Variants in VGLL4 observed in about 807,000 individuals in gnomAD.
VGLL4 encodes the protein vestigial like family member 4, also known as transcription cofactor vestigial-like protein 4.
In VGLL4, 7 loss-of-function variants were observed where a neutral mutation model predicts 21.0. The ratio of observed to expected loss-of-function variants is 0.33; its 90% CI spans 0.19 to 0.63. The LOEUF (loss-of-function observed/expected upper bound fraction) is 0.63. Ranked by LOEUF, VGLL4 falls within the 20% of genes least tolerant of loss-of-function variation. VGLL4 has a pLI of 0.78. For missense variants in VGLL4, 394 were observed against 425.7 expected (o/e 0.93, Z 0.66); for synonymous variants, 222 against 173.2 (o/e 1.28, Z -2.21).
At chr3:11,600,510 C>A (rs144627830) in intron 2 of VGLL4, among the ~76,000 whole-genome samples, 17 of 152,362 alleles carry the variant, frequency 1.1e-4, no homozygotes, top group Admixed American at 5.9e-4. Context: ...GCGGAGTGCA[C>A]TGTTTGCAGG....
chr3:11,586,776 C>A (rs903985107), intron 2 of VGLL4, among the ~76,000 whole-genome samples: 1 of 152,332 alleles, frequency 6.6e-6, no homozygotes, highest in Admixed American at 6.5e-5. Flanking sequence ...ATATGACAAT[C>A]GCTTTGTCGG....
At chr3:11,615,845 C>T (rs777769620) in intron 1 of VGLL4, among the ~76,000 whole-genome samples, 1 of 152,136 alleles carries the variant, frequency 6.6e-6, no homozygotes, top group Non-Finnish European at 1.5e-5. Context: ...TCAGGAGTAG[C>T]TTATACTCTG....
chr3:11,569,555 CAA>C lies in VGLL4; in HGVS notation c.273-4538_273-4537del, dbSNP rs557792857. Among the ~76,000 whole-genome samples the C allele has an allele frequency of 1.5e-4, 23 of 152,350 alleles. 1 individual carries two copies. The highest frequency in any genetic ancestry group is 6.5e-4 in the Admixed American group (10 of 15,306). ...CCAAGCACCAGAGTCCAGGTGGAGA[CAA>C]GAGATTCAAAGGAGGAGGGGCCGGC... On this transcript the variant is annotated intron_variant, in intron 2 of 4. Coordinates refer to ENST00000430365, the MANE Select transcript of VGLL4 (RefSeq NM_001128219.3).
chr3:11,660,926 T>G (rs1444876969), intron 2 of VGLL4, among the ~76,000 whole-genome samples: 6 of 152,140 alleles, frequency 3.9e-5, no homozygotes, highest in Non-Finnish European at 5.9e-5. Flanking sequence ...TCCAATAGAT[T>G]GAGAAAAAGA....
At chr3:11,587,693 G>A (rs950895565) in intron 2 of VGLL4, among the ~76,000 whole-genome samples, 2 of 152,186 alleles carry the variant, frequency 1.3e-5, no homozygotes, top group Non-Finnish European at 2.9e-5. Flanking sequence ...CAAAAGAAAT[G>A]TCTGGTCATC....
intron 2 of VGLL4, among the ~76,000 whole-genome samples, chr3:11,574,441 G>A (rs1381320871): frequency 6.6e-6 from 1 of 152,164 alleles, no homozygotes; most frequent in East Asian, 1.9e-4. Flanking sequence ...GGCAGGCCAA[G>A]TCAGCCCAGA....
chr3:11,597,883 A>G (rs1395262467), intron 2 of VGLL4, among the ~76,000 whole-genome samples: 1 of 152,218 alleles, frequency 6.6e-6, no homozygotes, highest in African/African-American at 2.4e-5. Context: ...ATTAATAATG[A>G]GTTCAAATAC....
At chr3:11,695,442 C>A (rs568949084) in intron 2 of VGLL4, among the ~76,000 whole-genome samples, 1 of 152,086 alleles carries the variant, frequency 6.6e-6, no homozygotes, top group Non-Finnish European at 1.5e-5. Flanking sequence ...AAAAATAATA[C>A]CCAACTATAT....
At chr3:11,685,410 G>C (rs1483196305) in intron 2 of VGLL4, among the ~76,000 whole-genome samples, 1 of 152,006 alleles carries the variant, frequency 6.6e-6, no homozygotes, top group Non-Finnish European at 1.5e-5. Context: ...TGTTGGTCAG[G>C]CTGGTCTTGA....
intron 1 of VGLL4, among the ~76,000 whole-genome samples, chr3:11,609,939 C>T (rs772661117): frequency 1.9e-4 from 29 of 152,244 alleles, no homozygotes; most frequent in South Asian, 1.0e-3. Context: ...TATGCCGTGC[C>T]GAACAGAGAG....
chr3:11,651,753 T>TA (rs764009114), intron 2 of VGLL4, among the ~76,000 whole-genome samples: 115 of 144,780 alleles, frequency 7.9e-4, no homozygotes, highest in East Asian at 1.6e-3. Context: ...GTAGCTGATT[T>TA]AAAAAAAAAA....
intron 2 of VGLL4, among the ~76,000 whole-genome samples, chr3:11,690,002 G>C (rs947306138): frequency 1.3e-5 from 2 of 152,132 alleles, no homozygotes; most frequent in Non-Finnish European, 2.9e-5. Flanking sequence ...TTCTCTCTCA[G>C]GCCCCAACAC....
chr3:11,665,101 CTTTTTTTTTTTTT>C (rs59999510), intron 2 of VGLL4, among the ~76,000 whole-genome samples: 2 of 96,950 alleles, frequency 2.1e-5, no homozygotes, highest in African/African-American at 9.8e-5. Flanking sequence ...GAATATTTTT[CTTTTTTTTTTTTT>C]TTTTTTTTTT....
At chr3:11,655,961 G>A (rs2075950850) in intron 2 of VGLL4, among the ~76,000 whole-genome samples, 1 of 152,186 alleles carries the variant, frequency 6.6e-6, no homozygotes, top group Non-Finnish European at 1.5e-5. Flanking sequence ...AAGAACAAAT[G>A]GGAAGGGAGA....
intron 1 of VGLL4, among the ~76,000 whole-genome samples, chr3:11,606,671 A>G (rs551371346): frequency 5.9e-4 from 90 of 152,334 alleles, no homozygotes; most frequent in Non-Finnish European, 1.1e-3. Context: ...AACACTCTGT[A>G]AAAACACATC....
Position 11,671,772 on chromosome 3 carries a change from T to G in VGLL4, c.64+31199A>C, listed in dbSNP as rs188736011. On this transcript the variant is annotated intron_variant, in intron 2 of 5. Transcript: ENST00000273038. ...GGGAAAATTCCACGAAGCCAGACCC[T>G]GGGCTCAAAGCCCAGGATCCCAGCC... Among the ~76,000 whole-genome samples, 593 of 152,298 alleles carry G rather than the reference T, an allele frequency of 3.9e-3. 3 individuals are homozygous for G. The highest frequency in any genetic ancestry group is 0.013 in the African/African-American group (558 of 41,576).
At chr3:11,715,362 CT>C (rs2076905739) in intron 1 of VGLL4, among the ~76,000 whole-genome samples, 1 of 151,944 alleles carries the variant, frequency 6.6e-6, no homozygotes, top group South Asian at 2.1e-4. Flanking sequence ...GAGATGGAGC[CT>C]TGATCTGTCG....
intron 2 of VGLL4, among the ~76,000 whole-genome samples, chr3:11,587,145 G>A (rs1222008026): frequency 6.6e-6 from 1 of 152,252 alleles, no homozygotes; most frequent in African/African-American, 2.4e-5. Context: ...GGGAGAGGGA[G>A]TTTGGGAGCA....
chr3:11,579,723 A>G (rs1018209946), intron 2 of VGLL4, among the ~76,000 whole-genome samples: 11 of 151,994 alleles, frequency 7.2e-5, no homozygotes, highest in African/African-American at 2.7e-4. Flanking sequence ...CATGCACCCC[A>G]AGTTTCATGC....
Sources: allele counts gnomAD v4.1 joint callset (sites outside exome capture counted in the v4.1 genomes callset), GRCh38; gene constraint gnomAD v4.1.1; transcripts MANE v1.5; gene names NCBI Gene and HGNC (gene_info 2026-07-23, HGNC 2026-07-21).